Variants in KANSL1L observed in about 807,000 individuals in gnomAD.
KANSL1L encodes the protein KAT8 regulatory NSL complex subunit 1 like.
Under a neutral mutation model 108.6 loss-of-function variants are expected in KANSL1L, and 25 were observed. The observed-to-expected ratio is 0.23, with a 90% CI of 0.17 to 0.32. The LOEUF is 0.32. Ranked by LOEUF, KANSL1L falls within the 10% of genes least tolerant of loss-of-function variation. KANSL1L has a pLI of 1.00. For synonymous variants in KANSL1L, 405 were observed against 395.1 expected (o/e 1.03, Z -0.30); for missense variants, 1,137 against 1,125.7 (o/e 1.01, Z -0.14).
chr2:210,156,643 G>C (rs906586082), intron 1 of KANSL1L, among the ~76,000 whole-genome samples: 1 of 151,998 alleles, frequency 6.6e-6, no homozygotes, highest in African/African-American at 2.4e-5. Flanking sequence ...GTGTCTGTTT[G>C]CAAGAATAAA....
intron 6 of KANSL1L, among the ~76,000 whole-genome samples, chr2:210,047,708 T>G (rs1202528303): frequency 6.6e-6 from 1 of 152,212 alleles, no homozygotes; most frequent in Non-Finnish European, 1.5e-5. Flanking sequence ...TATTGTCTGT[T>G]TTTCCTCTTG....
At chr2:210,073,751 T>C (rs188209051) in intron 6 of KANSL1L, among the ~76,000 whole-genome samples, 5 of 148,966 alleles carry the variant, frequency 3.4e-5, no homozygotes, top group Admixed American at 3.3e-4. Context: ...ACCACTGCAG[T>C]AGGCAAATCT....
At chr2:210,041,540 A>G (rs540518861) in intron 7 of KANSL1L, among the ~76,000 whole-genome samples, 1 of 152,248 alleles carries the variant, frequency 6.6e-6, no homozygotes, top group East Asian at 1.9e-4. Context: ...GGCGCAAGCA[A>G]TCCTCCCACC....
At chr2:210,046,280 T>G (rs2125205135) in intron 6 of KANSL1L, among the ~76,000 whole-genome samples, 1 of 152,230 alleles carries the variant, frequency 6.6e-6, no homozygotes, top group East Asian at 1.9e-4. Flanking sequence ...CCTTCTCACA[T>G]GCAAAATATT....
intron 5 of KANSL1L, among the ~76,000 whole-genome samples, chr2:210,082,627 G>A (rs189478751): frequency 3.9e-5 from 6 of 152,272 alleles, no homozygotes; most frequent in Admixed American, 1.3e-4. Flanking sequence ...TGGTGCATAT[G>A]TCCTGCCCTT....
At chr2:210,134,663 TA>T (rs1175122577) in intron 2 of KANSL1L, among the ~76,000 whole-genome samples, 3 of 152,150 alleles carry the variant, frequency 2.0e-5, no homozygotes, top group Non-Finnish European at 4.4e-5. Flanking sequence ...GAGAGGTGGA[TA>T]GTCTGAGGAA....
At chr2:210,056,599 G>A (rs2094353799) in intron 6 of KANSL1L, among the ~76,000 whole-genome samples, 3 of 152,068 alleles carry the variant, frequency 2.0e-5, no homozygotes, top group Admixed American at 2.0e-4. Context: ...TTGTGCCTCA[G>A]CCTCCCAAGT....
chr2:210,170,397 G>C (rs889625259), intron 1 of KANSL1L: 22 of 985,330 alleles, frequency 2.2e-5, no homozygotes, highest in Non-Finnish European at 2.7e-5. Context: ...AACATTACAA[G>C]AACGTCCATC....
At chr2:210,131,185 G>A (rs1489460997) in intron 2 of KANSL1L, among the ~76,000 whole-genome samples, 2 of 152,162 alleles carry the variant, frequency 1.3e-5, no homozygotes, top group African/African-American at 4.8e-5. Flanking sequence ...TATGTAAGCC[G>A]CAGTACACCT....
chr2:210,094,424 A>G (rs955667978), intron 5 of KANSL1L, among the ~76,000 whole-genome samples: 9 of 152,106 alleles, frequency 5.9e-5, no homozygotes, highest in African/African-American at 1.9e-4. Flanking sequence ...TGAATCTGAA[A>G]GATGTTTTCT....
intron 6 of KANSL1L, among the ~76,000 whole-genome samples, chr2:210,075,250 C>T (rs111819349): frequency 2.7e-4 from 41 of 152,052 alleles, no homozygotes; most frequent in African/African-American, 8.7e-4. Flanking sequence ...TTTGACAGTA[C>T]ATTTTAAAAA....
chr2:210,119,328 G>A (rs530795607), intron 3 of KANSL1L, among the ~76,000 whole-genome samples: 35 of 152,274 alleles, frequency 2.3e-4, no homozygotes, highest in Admixed American at 2.0e-3. Context: ...TACTTTCAAA[G>A]TCATTCTACA....
At position 210,154,125 on chromosome 2, in the gene KANSL1L, A is replaced by T; in HGVS notation, c.458T>A (p.Leu153Gln). 1 of 1,614,090 alleles carries T rather than the reference A, an allele frequency of 6.2e-7. No individual in the cohort carries two copies. Among genetic ancestry groups the T allele is most frequent in the Admixed American group, 1.7e-5 (1 of 60,022 alleles). ...AGTGTCTTTGGTTATATTTGAATCC[A>T]GAATAATTTGTACATCTTTCATGCA... ...SQCMKDVQII[L>Q]DSNITKDTNV... The change falls in exon 2 of 15, where the codon CTG (leucine) becomes CAG (glutamine). Residue 153 changes from leucine (L) to glutamine (Q), a missense_variant. Coordinates refer to ENST00000281772, the MANE Select transcript of KANSL1L (RefSeq NM_152519.4).
At chr2:210,098,300 T>A (rs1316359782) in intron 4 of KANSL1L, 93 bp from the exon 5 acceptor site, 31 of 1,091,006 alleles carry the variant, frequency 2.8e-5, no homozygotes, top group Non-Finnish European at 3.7e-5. Context: ...TAACTTCTCA[T>A]GACACACATG....
At chr2:210,026,705 A>G (rs1164921547) in intron 12 of KANSL1L, among the ~76,000 whole-genome samples, 3 of 152,242 alleles carry the variant, frequency 2.0e-5, no homozygotes, top group Admixed American at 1.3e-4. Flanking sequence ...AATACTGACA[A>G]TGAATGTGGA....
At chr2:210,053,862 T>C (rs184968048) in intron 6 of KANSL1L, among the ~76,000 whole-genome samples, 1 of 152,018 alleles carries the variant, frequency 6.6e-6, no homozygotes, top group Admixed American at 6.5e-5. Flanking sequence ...TTTCCTAATA[T>C]AGATAAAGAG....
Position 210,022,322 on chromosome 2 carries a change from C to CA in KANSL1L, c.*626dup, listed in dbSNP as rs1048972703. 2 of 152,378 alleles carry CA rather than the reference C, an allele frequency of 1.3e-5. No individual in the cohort carries two copies. The highest frequency in any genetic ancestry group is 2.4e-5 in the African/African-American group (1 of 41,490). 9.4% of individuals were successfully genotyped at this position (152,378 alleles called of 1,614,324 possible). Reference sequence around the variant, plus strand: ...CATGTTAAAACAACAACAACAACAACAAAAAACTTCTGTCTCTATATTCAG... The same window carrying CA: ...CATGTTAAAACAACAACAACAACAACAAAAAAACTTCTGTCTCTATATTCAG... On this transcript the variant is annotated 3_prime_UTR_variant, in exon 15 of 15. Coordinates refer to ENST00000281772, the MANE Select transcript of KANSL1L (RefSeq NM_152519.4).
chr2:210,088,097 T>C (rs1384763354), intron 5 of KANSL1L: 2 of 152,158 alleles, frequency 1.3e-5, no homozygotes, highest in Non-Finnish European at 2.9e-5. Flanking sequence ...CAGTAGGTAC[T>C]AGTTAATTAT....
chr2:210,063,679 CCTTT>C (rs2094441149), intron 6 of KANSL1L: 1 of 152,158 alleles, frequency 6.6e-6, no homozygotes, highest in African/African-American at 2.4e-5. Flanking sequence ...CCTGTAGCCC[CCTTT>C]TTTTTTTGGC....
Sources: gnomAD v4.1 joint callset for allele counts (sites outside exome capture counted in the v4.1 genomes callset) on GRCh38, gnomAD v4.1.1 for gene constraint, MANE v1.5 for transcripts, NCBI Gene and HGNC (gene_info 2026-07-23, HGNC 2026-07-21) for gene names.